Variants in TOM1L1 observed in about 807,000 individuals in gnomAD.
TOM1L1 encodes the protein TOM1-like protein 1.
Under a neutral mutation model 63.4 loss-of-function variants are expected in TOM1L1, and 64 were observed. The ratio of observed to expected loss-of-function variants is 1.01; its 90% CI spans 0.83 to 1.24. The LOEUF is 1.24. Among genes scored for constraint, TOM1L1 ranks in the 50% most tolerant of loss-of-function variants. The pLI is 0.00. For synonymous variants in TOM1L1, 166 were observed against 194.4 expected, an observed-to-expected ratio of 0.85 and a Z score of 1.22; for missense variants, 536 against 567.0, an observed-to-expected ratio of 0.95 and a Z score of 0.55.
At chr17:54,958,155 A>C (rs368507313) in intron 14 of TOM1L1, 2 of 152,268 alleles carry the variant, frequency 1.3e-5, no homozygotes, top group African/African-American at 4.8e-5. Context: ...CCAAGAGTAA[A>C]GAAAGTTAAC....
rs550902048 is a variant in TOM1L1 at position 54,932,178 on chromosome 17, G to A, written c.854+1972G>A. 1.9e-3 allele frequency among the ~76,000 whole-genome samples: 292 copies of A among 152,156 alleles called. 1 individual carries two copies. The highest frequency in any genetic ancestry group is 6.8e-3 in the African/African-American group (284 of 41,512). On this transcript the variant is annotated intron_variant, in intron 8 of 15. Transcript: ENST00000575882. The stretch of plus-strand genomic sequence containing the variant: ...TGGCAAGACTCCTGTATCAAGAGCC[G>A]AGCTCCCCGAGTGAGCAATTCCTGT...
chr17:54,935,518 G>A (rs1598038380), intron 8 of TOM1L1, among the ~76,000 whole-genome samples: 1 of 152,016 alleles, frequency 6.6e-6, no homozygotes, highest in South Asian at 2.1e-4. Context: ...TGTTTCTAAA[G>A]CAAATCTCAG....
intron 10 of TOM1L1, 103 bp downstream of exon 10, chr17:54,937,329 G>A: frequency 1.1e-6 from 1 of 941,740 alleles, no homozygotes; most frequent in Non-Finnish European, 1.7e-6. Flanking sequence ...ACTGAAGTCA[G>A]GTTGAATGTC....
intron 10 of TOM1L1, chr17:54,937,502 A>C (rs1367739059): frequency 4.9e-6 from 2 of 409,898 alleles, no homozygotes; most frequent in Non-Finnish European, 9.0e-6. Flanking sequence ...TGTTCAGCCC[A>C]ATGGCCAATA....
chr17:54,902,027 GCTATGTGCCTGGAC>G (rs1455425932), intron 1 of TOM1L1, among the ~76,000 whole-genome samples: 2 of 152,182 alleles, frequency 1.3e-5, no homozygotes, highest in East Asian at 3.9e-4. Flanking sequence ...CTAACTGTCA[GCTATGTGCCTGGAC>G]CTGGATCAGG....
intron 12 of TOM1L1, among the ~76,000 whole-genome samples, chr17:54,947,956 C>T (rs1410964353): frequency 2.0e-5 from 3 of 152,168 alleles, no homozygotes; most frequent in African/African-American, 7.2e-5. Flanking sequence ...CTCTTGATTT[C>T]TTCCCAGTCT....
chr17:54,913,646 A>G (rs1333585214), intron 4 of TOM1L1, 102 bp from the exon 5 acceptor site: 2 of 1,272,094 alleles, frequency 1.6e-6, no homozygotes, highest in Non-Finnish European at 1.0e-6. Flanking sequence ...AGCCCGGGCA[A>G]TAGTGTGAGA....
chr17:54,960,421 C>A (rs2077089750), intron 14 of TOM1L1, 145 bp from the exon 15 acceptor site: 2 of 640,994 alleles, frequency 3.1e-6, no homozygotes, highest in South Asian at 3.8e-5. Flanking sequence ...AGAATACACA[C>A]TTCAGGGCAG....
chr17:54,939,074 C>T (rs1233625312), intron 11 of TOM1L1, 54 bp downstream of exon 11: 43 of 1,263,450 alleles, frequency 3.4e-5, no homozygotes, highest in Non-Finnish European at 4.6e-5. Context: ...AGATTCCTTA[C>T]AATTAAGAAA....
chr17:54,932,780 A>G (rs2048885326), intron 8 of TOM1L1, among the ~76,000 whole-genome samples: 1 of 152,188 alleles, frequency 6.6e-6, no homozygotes, highest in Non-Finnish European at 1.5e-5. Flanking sequence ...TTTTCTGTGG[A>G]ACAAATTTTT....
rs559365881 is a variant in TOM1L1 at position 54,928,507 on chromosome 17, G to A, written c.721-1566G>A. Reference sequence around the variant, plus strand: ...GTTTTCTCTTTGCATTACACCAGGGGTATATAAAGGAACCAAATCTAGCCT... The same window carrying A: ...GTTTTCTCTTTGCATTACACCAGGGATATATAAAGGAACCAAATCTAGCCT... On this transcript the variant is annotated intron_variant, in intron 7 of 15. Transcript: ENST00000575882. Among the ~76,000 whole-genome samples the A allele has an allele frequency of 2.6e-5, 4 of 152,274 alleles. No individual in the cohort carries two copies. In the South Asian group the frequency reaches 8.3e-4, roughly 32 times the overall value.
Position 54,943,049 on chromosome 17 carries a change from A to G in TOM1L1, c.1130+4029A>G, listed in dbSNP as rs958789227. Among the ~76,000 whole-genome samples the G allele has an allele frequency of 5.3e-5, 8 of 152,236 alleles. No homozygotes were observed. The East Asian group carries it at 1.2e-3, about 22-fold the overall frequency. ...TGATTGAGTCTTTTATCATTATGTA[A>G]TGTCCTTCTTTGTCCCTCATAATTT... On this transcript the variant is annotated intron_variant, in intron 11 of 15. Coordinates refer to ENST00000575882, the MANE Select transcript of TOM1L1 (RefSeq NM_005486.3).
intron 7 of TOM1L1, among the ~76,000 whole-genome samples, chr17:54,919,703 T>A (rs969310313): frequency 6.6e-6 from 1 of 152,202 alleles, no homozygotes; most frequent in Non-Finnish European, 1.5e-5. Flanking sequence ...TTATAGAGAC[T>A]GTTGAATGTG....
chr17:54,901,115 C>A, intron 1 of TOM1L1, 192 bp downstream of exon 1: 1 of 715,586 alleles, frequency 1.4e-6, no homozygotes, highest in Non-Finnish European at 2.3e-6. Context: ...GGCCAACTCA[C>A]TGTAGAACCT....
At chr17:54,908,457 A>T (rs563539726) in intron 3 of TOM1L1, among the ~76,000 whole-genome samples, 1 of 152,358 alleles carries the variant, frequency 6.6e-6, no homozygotes, top group Non-Finnish European at 1.5e-5. Flanking sequence ...TATGTCTGTC[A>T]AAAGCAATTA....
rs771116009 is a variant in TOM1L1 at position 54,947,322 on chromosome 17, A to C, written c.1182+10A>C. ...CCACGCATATGATAATGTAAGTAAC[A>C]AAACTCTTTTCTAGCAGTGCATCTA... On this transcript the variant is annotated intron_variant, in intron 12 of 15. Coordinates refer to ENST00000575882, the MANE Select transcript of TOM1L1 (RefSeq NM_005486.3). 6.2e-6 allele frequency: 10 copies of C among 1,613,930 alleles called. No individual in the cohort carries two copies. The South Asian group carries it at 1.1e-4, about 18-fold the overall frequency.
Position 54,937,239 on chromosome 17 carries a change from T to A in TOM1L1, c.1033+13T>A. On this transcript the variant is annotated intron_variant, in intron 10 of 15. Transcript: ENST00000575882. ...CTTTCAGGCTTAAGTAAATAAACACTCAGGTCTTTTCAGACCAGCAGAAGA... is the reference window on the plus strand; with the variant it reads ...CTTTCAGGCTTAAGTAAATAAACACACAGGTCTTTTCAGACCAGCAGAAGA... 6.4e-7 allele frequency: 1 copy of A among 1,554,466 alleles called. No individual in the cohort carries two copies. Among genetic ancestry groups the A allele is most frequent in the Non-Finnish European group, 8.9e-7 (1 of 1,126,170 alleles).
intron 10 of TOM1L1, 67 bp from the exon 11 acceptor site, chr17:54,938,853 TACTG>T: frequency 1.3e-6 from 1 of 791,154 alleles, no homozygotes; most frequent in Non-Finnish European, 2.0e-6. Context: ...TTTTTGTTTT[TACTG>T]TAGAAAATCC....
intron 11 of TOM1L1, among the ~76,000 whole-genome samples, chr17:54,941,408 A>G (rs751814797): frequency 1.6e-4 from 25 of 152,236 alleles, no homozygotes; most frequent in African/African-American, 6.0e-4. Context: ...ATGTGTTGGG[A>G]AATGATTAAG....
Sources: gnomAD v4.1 joint callset for allele counts (sites outside exome capture counted in the v4.1 genomes callset) on GRCh38, gnomAD v4.1.1 for gene constraint, MANE v1.5 for transcripts, NCBI Gene and HGNC (gene_info 2026-07-23, HGNC 2026-07-21) for gene names.